The following MACROD2 variants were observed in gnomAD, a reference collection of about 807,000 sequenced individuals.
The protein encoded by MACROD2 is mono-ADP ribosylhydrolase 2, also known as ADP-ribose glycohydrolase MACROD2.
Under a neutral mutation model 70.4 loss-of-function variants are expected in MACROD2, and 36 were observed. The observed-to-expected ratio is 0.51, with a 90% CI of 0.39 to 0.68. The LOEUF is 0.68. Among genes scored for constraint, MACROD2 ranks in the 30% least tolerant of loss-of-function variants. The probability of loss-of-function intolerance (pLI) is 0.00; values close to 1 mark genes in which losing one functional copy is unlikely to be tolerated. For missense variants in MACROD2, 496 were observed against 538.4 expected (o/e 0.92, Z 0.78); for synonymous variants, 172 against 178.8 (o/e 0.96, Z 0.30).
chr20:14,052,883 T>TA (rs1475102466), intron 2 of MACROD2, among the ~76,000 whole-genome samples: 6 of 152,140 alleles, frequency 3.9e-5, no homozygotes, highest in South Asian at 2.1e-4. Flanking sequence ...TTTGAAAACT[T>TA]ACAGCAGTTG....
chr20:14,373,617 A>G (rs2083346256), intron 3 of MACROD2, among the ~76,000 whole-genome samples: 2 of 152,192 alleles, frequency 1.3e-5, no homozygotes, highest in Admixed American at 1.3e-4. Context: ...CAGGATAAAT[A>G]CCCTTAAAGT....
At chr20:14,870,007 AC>A (rs1457709337) in intron 5 of MACROD2, among the ~76,000 whole-genome samples, 1 of 152,058 alleles carries the variant, frequency 6.6e-6, no homozygotes, top group Non-Finnish European at 1.5e-5. Context: ...ATATAGGTAG[AC>A]TTGTATCATG....
intron 8 of MACROD2, among the ~76,000 whole-genome samples, chr20:15,651,198 GC>G (rs1414249186): frequency 6.6e-6 from 1 of 152,178 alleles, no homozygotes; most frequent in East Asian, 1.9e-4. Flanking sequence ...ATCCACCCAT[GC>G]AATGGTTGAT....
intron 15 of MACROD2, among the ~76,000 whole-genome samples, chr20:16,003,493 G>T (rs561270045): frequency 6.6e-6 from 1 of 152,124 alleles, no homozygotes; most frequent in Non-Finnish European, 1.5e-5. Context: ...AACAGGCTGC[G>T]TAACACTGCT....
At chr20:15,624,703 G>T (rs1568936065) in intron 8 of MACROD2, among the ~76,000 whole-genome samples, 1 of 152,164 alleles carries the variant, frequency 6.6e-6, no homozygotes. Flanking sequence ...TGTTACGGTG[G>T]AAACAACATT....
intron 3 of MACROD2, chr20:14,222,922 T>G (rs1352291373): frequency 6.6e-6 from 1 of 151,456 alleles, no homozygotes; most frequent in Non-Finnish European, 1.5e-5. Flanking sequence ...GGAACAAGAC[T>G]AAATTCAGCT....
intron 6 of MACROD2, among the ~76,000 whole-genome samples, chr20:15,290,538 C>G (rs953804409): frequency 2.0e-5 from 3 of 152,142 alleles, no homozygotes; most frequent in Non-Finnish European, 4.4e-5. Context: ...TTATGAGACA[C>G]TCAGGATTAT....
At chr20:15,033,185 C>T (rs1397543136) in intron 5 of MACROD2, among the ~76,000 whole-genome samples, 1 of 152,072 alleles carries the variant, frequency 6.6e-6, no homozygotes, top group East Asian at 1.9e-4. Flanking sequence ...TAATTAACAC[C>T]ACTGAATGGT....
intron 4 of MACROD2, among the ~76,000 whole-genome samples, chr20:14,636,135 A>G (rs905496716): frequency 1.3e-5 from 2 of 152,194 alleles, no homozygotes; most frequent in South Asian, 2.1e-4. Flanking sequence ...CTTGTCACCT[A>G]TAAGAATAAG....
At chr20:15,131,909 A>T (rs2076108778) in intron 5 of MACROD2, among the ~76,000 whole-genome samples, 1 of 152,080 alleles carries the variant, frequency 6.6e-6, no homozygotes, top group Admixed American at 6.6e-5. Flanking sequence ...TATATATGTA[A>T]TATAAATGAG....
At chr20:14,313,713 G>T (rs976791952) in intron 3 of MACROD2, among the ~76,000 whole-genome samples, 1 of 152,110 alleles carries the variant, frequency 6.6e-6, no homozygotes, top group Non-Finnish European at 1.5e-5. Flanking sequence ...ATTTTCTGAA[G>T]AAATATGTTA....
chr20:14,266,055 C>A (rs1027231524), intron 3 of MACROD2, among the ~76,000 whole-genome samples: 7 of 152,166 alleles, frequency 4.6e-5, no homozygotes, highest in Non-Finnish European at 8.8e-5. Flanking sequence ...GGATTATAGG[C>A]GTGAGCCATC....
At chr20:14,367,211 G>A (rs890186024) in intron 3 of MACROD2, among the ~76,000 whole-genome samples, 1 of 151,962 alleles carries the variant, frequency 6.6e-6, no homozygotes, top group Non-Finnish European at 1.5e-5. Context: ...TGTTTTTATA[G>A]ATAACATCTT....
rs946314603 is a variant in MACROD2, at chr20:14,722,404, A to G, written c.418+37445A>G. On this transcript the variant is annotated intron_variant, in intron 5 of 17. Transcript: ENST00000684519. ...TAGTATTATTAAGAGGTTAACTCAG[A>G]TAATCTAGGTTAGGTTTCTGACAGG... is the stretch of plus-strand genomic sequence containing the variant. 4.1e-4 allele frequency among the ~76,000 whole-genome samples: 63 copies of G among 152,158 alleles called. 1 individual carries two copies. The highest frequency in any genetic ancestry group is 1.5e-3 in the African/African-American group (63 of 41,434).
intron 4 of MACROD2, among the ~76,000 whole-genome samples, chr20:14,642,103 G>A (rs1985128605): frequency 6.6e-6 from 1 of 152,294 alleles, no homozygotes; most frequent in East Asian, 1.9e-4. Context: ...ATAACTTGCT[G>A]CATCAGCACT....
At chr20:15,375,321 C>T (rs1217967659) in intron 6 of MACROD2, among the ~76,000 whole-genome samples, 4 of 152,164 alleles carry the variant, frequency 2.6e-5, no homozygotes, top group Non-Finnish European at 5.9e-5. Flanking sequence ...GCCAAATAAT[C>T]CACTATTGAT....
intron 3 of MACROD2, among the ~76,000 whole-genome samples, chr20:14,222,842 AGAATT>A (rs1483674257): frequency 1.5e-5 from 2 of 129,764 alleles, no homozygotes; most frequent in Admixed American, 8.0e-5. Context: ...AAAAAAAAAA[AGAATT>A]GAGAAGCATT....
chr20:15,163,169 G>T (rs1015163406), intron 5 of MACROD2, among the ~76,000 whole-genome samples: 1 of 151,636 alleles, frequency 6.6e-6, no homozygotes, highest in African/African-American at 2.4e-5. Context: ...CCAAAGAAAA[G>T]ACATAAGACT....
chr20:15,979,399 G>C (rs538403267), intron 13 of MACROD2, among the ~76,000 whole-genome samples: 20 of 152,282 alleles, frequency 1.3e-4, no homozygotes, highest in Non-Finnish European at 2.2e-4. Context: ...CAAGTCACAT[G>C]AACAGGCCTG....
Sources: gnomAD v4.1 joint callset for allele counts (sites outside exome capture counted in the v4.1 genomes callset) on GRCh38, gnomAD v4.1.1 for gene constraint, MANE v1.5 for transcripts, NCBI Gene and HGNC (gene_info 2026-07-23, HGNC 2026-07-21) for gene names.